The following CDYL variants were observed in gnomAD, a reference collection of about 807,000 sequenced individuals.
CDYL encodes the protein chromodomain Y-like protein.
In CDYL, 8 loss-of-function variants were observed where a neutral mutation model predicts 47.3. The ratio of observed to expected loss-of-function variants is 0.17; its 90% CI spans 0.10 to 0.31. The LOEUF is 0.31. Ranked by LOEUF, CDYL falls within the 10% of genes least tolerant of loss-of-function variation. The pLI, the probability that CDYL is intolerant of heterozygous loss-of-function variation, is 1.00. For missense variants in CDYL, 471 were observed against 701.4 expected, an observed-to-expected ratio of 0.67 and a Z score of 3.71; for synonymous variants, 266 against 265.0, an observed-to-expected ratio of 1.00 and a Z score of -0.04.
intron 3 of CDYL, among the ~76,000 whole-genome samples, chr6:4,751,135 G>A (rs1204487980): frequency 2.0e-5 from 3 of 152,166 alleles, no homozygotes; most frequent in African/African-American, 4.8e-5. Context: ...GATTACAGGC[G>A]TGAGCCACTG....
At position 4,729,524 on chromosome 6, in the gene CDYL, G is replaced by A. The variant is rs114179360; in HGVS notation, c.104-5238G>A. 2.8e-3 allele frequency among the ~76,000 whole-genome samples: 432 copies of A among 151,946 alleles called. 4 individuals carry two copies. Among genetic ancestry groups the A allele is most frequent in the African/African-American group, 9.8e-3 (404 of 41,232 alleles). ...ATTTGTCACACCTAGGCATGGATCC[G>A]AGAAGTCCTCACATGCTCACATGCA... On this transcript the variant is annotated intron_variant, in intron 2 of 8. Coordinates refer to the CDYL transcript ENST00000328908.
At chr6:4,791,336 G>A (rs1263228262) in intron 1 of CDYL, among the ~76,000 whole-genome samples, 3 of 152,196 alleles carry the variant, frequency 2.0e-5, no homozygotes, top group Admixed American at 6.5e-5. Context: ...CATTTTGTGT[G>A]TGAGAAACCA....
At chr6:4,791,125 G>A (rs575457769) in intron 1 of CDYL, among the ~76,000 whole-genome samples, 1 of 152,298 alleles carries the variant, frequency 6.6e-6, no homozygotes, top group South Asian at 2.1e-4. Context: ...AACCCAACAT[G>A]AAGACTCATA....
chr6:4,917,844 C>A (rs1222287110), intron 2 of CDYL, among the ~76,000 whole-genome samples: 1 of 152,190 alleles, frequency 6.6e-6, no homozygotes, highest in Non-Finnish European at 1.5e-5. Context: ...AATGAGGTGT[C>A]TGAAGTTCTG....
At chr6:4,776,266 T>A (rs1758444349), upstream of CDYL, among the ~76,000 whole-genome samples, 1 of 140,310 alleles carries the variant, frequency 7.1e-6, no homozygotes, top group Non-Finnish European at 1.6e-5. Flanking sequence ...CGGAGCCCAC[T>A]GCTCCCCTCG....
chr6:4,744,702 C>T (rs1425538482), intron 3 of CDYL, among the ~76,000 whole-genome samples: 1 of 152,140 alleles, frequency 6.6e-6, no homozygotes, highest in African/African-American at 2.4e-5. Context: ...CTTCATTTTA[C>T]AGATAAGGAA....
chr6:4,942,516 A>G (rs1758389592), intron 4 of CDYL, among the ~76,000 whole-genome samples: 1 of 152,232 alleles, frequency 6.6e-6, no homozygotes, highest in African/African-American at 2.4e-5. Context: ...CCAGCAAGTG[A>G]AAAGCTGTCC....
intron 2 of CDYL, chr6:4,724,789 G>A (rs539095262): frequency 1.1e-4 from 17 of 152,192 alleles, no homozygotes; most frequent in African/African-American, 4.1e-4. Flanking sequence ...ACTCACAAAA[G>A]CAGTGTGGAC....
At chr6:4,932,741 C>T (rs541290230) in intron 2 of CDYL, among the ~76,000 whole-genome samples, 1 of 152,318 alleles carries the variant, frequency 6.6e-6, no homozygotes, top group South Asian at 2.1e-4. Context: ...GTCACGTAGC[C>T]TCTGCCTGCA....
chr6:4,725,223 G>A (rs1337761274), intron 2 of CDYL, among the ~76,000 whole-genome samples: 2 of 152,358 alleles, frequency 1.3e-5, no homozygotes, highest in South Asian at 2.1e-4. Flanking sequence ...AGACATAAAG[G>A]TTCTCCAAGT....
intron 1 of CDYL, among the ~76,000 whole-genome samples, chr6:4,809,891 T>G (rs9502242): frequency 0.089 from 11,513 of 129,668 alleles, 161 homozygotes; most frequent in South Asian, 0.11. Flanking sequence ...GTAGGGGTAT[T>G]ATATTAGTCC....
chr6:4,749,203 G>A (rs760129342), intron 3 of CDYL, among the ~76,000 whole-genome samples: 1 of 152,230 alleles, frequency 6.6e-6, no homozygotes, highest in Non-Finnish European at 1.5e-5. Context: ...CAATAGGCCT[G>A]GGAGGCAAGA....
chr6:4,855,767 C>G (rs1403702218), intron 1 of CDYL, among the ~76,000 whole-genome samples: 1 of 152,212 alleles, frequency 6.6e-6, no homozygotes, highest in Non-Finnish European at 1.5e-5. Context: ...ACACACTGTT[C>G]TGTTCTGGCT....
intron 3 of CDYL, among the ~76,000 whole-genome samples, chr6:4,770,959 G>A (rs973598112): frequency 1.7e-4 from 26 of 152,026 alleles, no homozygotes; most frequent in East Asian, 3.9e-4. Context: ...ATATATGTGC[G>A]TGCATATATA....
At chr6:4,724,496 C>G (rs9378908) in intron 2 of CDYL, 19,131 of 152,718 alleles carry the variant, frequency 0.13, 1,433 homozygotes, top group African/African-American at 0.22. Context: ...GGTTCTTGGT[C>G]TCACTGACTT....
chr6:4,898,224 AAAG>A (rs1762343698), intron 2 of CDYL, among the ~76,000 whole-genome samples: 1 of 14,662 alleles, frequency 6.8e-5, no homozygotes, highest in Non-Finnish European at 4.8e-3. Context: ...CCTGTCTCAA[AAAG>A]AAAAAAAAAC....
Position 4,715,661 on chromosome 6 carries a change from G to C in CDYL, c.-38-80G>C, listed in dbSNP as rs1004879686. The C allele has an allele frequency of 5.8e-6, 8 of 1,370,050 alleles. No individual in the cohort carries two copies. In the East Asian group the frequency reaches 1.2e-4, roughly 21 times the overall value. The allele number at this position is 1,370,050 out of a possible 1,614,324, so 84.9% of individuals were successfully genotyped here. A position where few individuals can be genotyped will look rare whatever the true frequency, so the allele number is the denominator to read the frequency against. On this transcript the variant is annotated intron_variant, in intron 1 of 8. Coordinates refer to the CDYL transcript ENST00000328908. ...CTCTCAGATTCAATGTAGAACTGGT[G>C]AAAGTCATTAAATGCCATGAGCCTT...
intron 3 of CDYL, among the ~76,000 whole-genome samples, chr6:4,756,250 TC>T (rs909475268): frequency 5.3e-5 from 8 of 152,152 alleles, no homozygotes; most frequent in African/African-American, 1.9e-4. Flanking sequence ...TAAGGTCCTT[TC>T]CCTGACAGTC....
At chr6:4,912,430 T>C (rs1475620577) in intron 2 of CDYL, among the ~76,000 whole-genome samples, 1 of 152,190 alleles carries the variant, frequency 6.6e-6, no homozygotes, top group Non-Finnish European at 1.5e-5. Flanking sequence ...AGTAGCACCC[T>C]GTTCATCAAA....
Sources: gnomAD v4.1 joint callset for allele counts (sites outside exome capture counted in the v4.1 genomes callset) on GRCh38, gnomAD v4.1.1 for gene constraint, MANE v1.5 for transcripts, NCBI Gene and HGNC (gene_info 2026-07-23, HGNC 2026-07-21) for gene names.